Variants in RD3L observed in about 807,000 individuals in gnomAD.
The protein encoded by RD3L is RD3 like, also known as protein RD3-like.
In RD3L, 6 loss-of-function variants were observed where a neutral mutation model predicts 12.5. The observed-to-expected ratio is 0.48, with a 90% CI of 0.26 to 0.95. RD3L has a LOEUF of 0.95. Among genes scored for constraint, RD3L ranks in the 40% least tolerant of loss-of-function variants. The probability of loss-of-function intolerance (pLI) is 0.14; values close to 1 mark genes in which losing one functional copy is unlikely to be tolerated. For missense variants in RD3L, 234 were observed against 228.6 expected, an observed-to-expected ratio of 1.02 and a Z score of -0.15; for synonymous variants, 87 against 79.3, an observed-to-expected ratio of 1.10 and a Z score of -0.52.
rs766715331 is a variant in RD3L at position 103,941,056 on chromosome 14, A to G, written c.347T>C (p.Val116Ala). 3.0e-5 allele frequency: 46 copies of G among 1,535,194 alleles called. No individual in the cohort carries two copies. The highest frequency in any genetic ancestry group is 3.7e-5 in the Non-Finnish European group (42 of 1,146,622). Residue 116 changes from valine (V) to alanine (A), a missense_variant, in exon 3 of 3, where the codon GTC (valine) becomes GCC (alanine). Physicochemically the swap from Val to Ala is moderately conservative, Grantham distance 64. Transcript: ENST00000557640. The part of the protein sequence containing the change: ...AENDVLPWEI[V>A]YIFKQVLKDF... ...TTTCAGAACTTGCTTGAAGATGTAG[A>G]CTATTTCCCATGGCAGTACATCATT...
At position 103,940,651 on chromosome 14, in the gene RD3L, G is replaced by C; in HGVS notation, c.*155C>G. 1 of 571,340 alleles carries C rather than the reference G, an allele frequency of 1.8e-6. No individual in the cohort carries two copies. The highest frequency in any genetic ancestry group is 2.5e-5 in the South Asian group (1 of 40,216). The allele number at this position is 571,340 out of a possible 1,614,324, so 35.4% of individuals were successfully genotyped here. A position where few individuals can be genotyped will look rare whatever the true frequency, so the allele number is the denominator to read the frequency against. ...ATTCAATGAAAACATAGCATGTTTA[G>C]AGTGGTTAAAAAAAGAACACTATTT... On this transcript the variant is annotated 3_prime_UTR_variant, in exon 3 of 3. Coordinates refer to ENST00000557640, the MANE Select transcript of RD3L (RefSeq NM_001257268.2).
intron 1 of RD3L, 96 bp from the exon 2 acceptor site, chr14:103,941,798 C>T (rs1005993414): frequency 4.6e-6 from 4 of 878,878 alleles, no homozygotes; most frequent in East Asian, 5.4e-5. Flanking sequence ...GAAAAGTGCA[C>T]GATTTTTTTT....
In RD3L at chr14:103,941,114, A is replaced by G. The variant is rs942674356; in HGVS notation, c.300-11T>C. The G allele has an allele frequency of 2.0e-6, 3 of 1,524,370 alleles. No homozygotes were observed. The highest frequency in any genetic ancestry group is 2.0e-5 in the Admixed American group (1 of 50,190). The allele number at this position is 1,524,370 out of a possible 1,614,324, so 94.4% of individuals were successfully genotyped here. A position where few individuals can be genotyped will look rare whatever the true frequency, so the allele number is the denominator to read the frequency against. On this transcript the variant is annotated splice_polypyrimidine_tract_variant and intron_variant, in intron 2 of 2. Transcript: ENST00000557640. ...AAAACTTCTCGAAATCTAGAGGGGA[A>G]ATGGTAATGAATATTCAGTTTAGAA... is the stretch of plus-strand genomic sequence containing the variant.
chr14:103,940,892 T>C lies in RD3L; in HGVS notation c.511A>G (p.Ser171Gly). The C allele has an allele frequency of 6.5e-7, 1 of 1,535,326 alleles. No individual in the cohort carries two copies. Among genetic ancestry groups the C allele is most frequent in the Non-Finnish European group, 8.7e-7 (1 of 1,146,586 alleles). Residue 171 changes from serine to glycine, a missense_variant, in exon 3 of 3, where the codon AGT becomes GGT. Transcript: ENST00000557640. ...ADKDEIPTIS[S>G]YVDKNTKDRF... ...TCCTTTGTGTTTTTGTCTACGTAAC[T>C]GGAAATGGTGGGTATTTCATCTTTG...
intron 2 of RD3L, 123 bp from the exon 3 acceptor site, chr14:103,941,226 T>C (rs919122242): frequency 1.0e-6 from 1 of 983,910 alleles, no homozygotes; most frequent in Non-Finnish European, 1.5e-6. Flanking sequence ...TGCATGTTGT[T>C]TTAAAATTAT....
rs1201304012 is a variant in RD3L at position 103,940,916 on chromosome 14, T to C, written c.487A>G (p.Lys163Glu). 1 of 1,535,460 alleles carries C rather than the reference T, an allele frequency of 6.5e-7. No homozygotes were observed. The highest frequency in any genetic ancestry group is 8.7e-7 in the Non-Finnish European group (1 of 1,146,702). ...CTGGAAATGGTGGGTATTTCATCTT[T>C]GTCTGCCCTCTTGGAGCTGTCACCT... ...IQGDSSKRADKDEIPTISSYV... is the reference protein window; with the variant it reads ...IQGDSSKRADEDEIPTISSYV... Residue 163 changes from lysine (K) to glutamate (E), a missense_variant, in exon 3 of 3, where the codon AAA (lysine) becomes GAA (glutamate). Lys to Glu is a moderately conservative substitution (Grantham distance 56). Coordinates refer to ENST00000557640, the MANE Select transcript of RD3L (RefSeq NM_001257268.2).
chr14:103,941,315 T>C (rs1361170021), intron 2 of RD3L, 82 bp downstream of exon 2: 2 of 1,085,614 alleles, frequency 1.8e-6, no homozygotes, highest in Non-Finnish European at 2.6e-6. Context: ...ATTTACATGA[T>C]AGAATACAGT....
rs1034907914 is a variant in RD3L at position 103,941,010 on chromosome 14, G to T, written c.393C>A (p.Asp131Glu). ...CCAGGTCCTCTTGCTCACTCCCTCT[G>T]TCAGAGCTGCTTAGGAAGTCTTTCA... ...QVLKDFLSSSDRGSEQEDLED... is the reference protein window; with the variant it reads ...QVLKDFLSSSERGSEQEDLED... The change falls in exon 3 of 3, where the codon GAC becomes GAA. Residue 131 changes from aspartate (D) to glutamate (E), a missense_variant. By Grantham distance (45) the Asp-to-Glu change is conservative. Transcript: ENST00000557640. The T allele has an allele frequency of 7.2e-5, 110 of 1,535,234 alleles. No homozygotes were observed. Among genetic ancestry groups the T allele is most frequent in the Non-Finnish European group, 8.8e-5 (101 of 1,146,662 alleles).
Position 103,941,380 on chromosome 14 carries a change from G to C in RD3L, c.299+17C>G, listed in dbSNP as rs1566726136. ...CTTAGCAGTAGCAGGAATCATAAGA[G>C]AACATAGTATTTTTACCTGCTGAGA... On this transcript the variant is annotated intron_variant, in intron 2 of 2. Transcript: ENST00000557640. The C allele has an allele frequency of 6.6e-7, 1 of 1,514,264 alleles. No individual in the cohort carries two copies. The highest frequency in any genetic ancestry group is 8.8e-7 in the Non-Finnish European group (1 of 1,130,632). 93.8% of individuals were successfully genotyped at this position (1,514,264 alleles called of 1,614,324 possible).
At chr14:103,941,268 A>G (rs2152119834) in intron 2 of RD3L, 129 bp downstream of exon 2, 1 of 943,378 alleles carries the variant, frequency 1.1e-6, no homozygotes, top group South Asian at 1.8e-5. Flanking sequence ...AATGTAATTT[A>G]AAACAATTGC....
chr14:103,940,619 G>A lies in RD3L; in HGVS notation c.*187C>T, dbSNP rs567259205. ...TACTTAGGAAACATTTTAGTTAAAA[G>A]CATACTATTCAATGAAAACATAGCA... On this transcript the variant is annotated 3_prime_UTR_variant, in exon 3 of 3. Transcript: ENST00000557640. 2.9e-5 allele frequency: 14 copies of A among 480,858 alleles called. No homozygotes were observed. The highest frequency in any genetic ancestry group is 1.4e-4 in the African/African-American group (7 of 51,436). 29.8% of individuals were successfully genotyped at this position (480,858 alleles called of 1,614,324 possible). A position where few individuals can be genotyped will look rare whatever the true frequency, so the allele number is the denominator to read the frequency against.
intron 2 of RD3L, 117 bp downstream of exon 2, chr14:103,941,280 C>T: frequency 4.3e-6 from 4 of 940,092 alleles, no homozygotes; most frequent in Non-Finnish European, 4.6e-6. Flanking sequence ...AACAATTGCT[C>T]ACCAGACATC....
chr14:103,940,815 T>C lies in RD3L; in HGVS notation c.588A>G (p.Pro196=). 21 of 1,532,574 alleles carry C rather than the reference T, an allele frequency of 1.4e-5. No homozygotes were observed. Among genetic ancestry groups the C allele is most frequent in the Non-Finnish European group, 1.7e-5 (20 of 1,144,126 alleles). The allele number at this position is 1,532,574 out of a possible 1,614,324, so 94.9% of individuals were successfully genotyped here. The part of the protein sequence containing the change: ...HRIWNLPYYH[P]SS ...TCTAGTTGTAAGTAACTTAACTAGATGGGTGATAATATGGTAGGTTCCATA... is the reference window on the plus strand; with the variant it reads ...TCTAGTTGTAAGTAACTTAACTAGACGGGTGATAATATGGTAGGTTCCATA... The change falls in exon 3 of 3, where the codon CCA becomes CCG. Residue 196 remains proline (P), a synonymous_variant. Coordinates refer to ENST00000557640, the MANE Select transcript of RD3L (RefSeq NM_001257268.2).
In RD3L at chr14:103,941,609, A is replaced by T. The variant is rs1257226580; in HGVS notation, c.87T>A (p.Thr29=). ...HYPGSDIVTK[T]LLRELKWHLK... ...GGTGCCATTTTAATTCCCGAAGCAG[A>T]GTCTTTGTCACTATGTCTGAGCCAG... is the stretch of plus-strand genomic sequence containing the variant. The change falls in exon 2 of 3, where the codon ACT becomes ACA. Residue 29 remains threonine (T), a synonymous_variant. Coordinates refer to ENST00000557640, the MANE Select transcript of RD3L (RefSeq NM_001257268.2). 6.5e-7 allele frequency: 1 copy of T among 1,535,182 alleles called. No homozygotes were observed. Among genetic ancestry groups the T allele is most frequent in the Non-Finnish European group, 8.7e-7 (1 of 1,146,594 alleles).
In RD3L at chr14:103,940,796, T is replaced by C; in HGVS notation, c.*10A>G. 6.5e-7 allele frequency: 1 copy of C among 1,526,826 alleles called. No individual in the cohort carries two copies. Among genetic ancestry groups the C allele is most frequent in the Non-Finnish European group, 8.8e-7 (1 of 1,139,104 alleles). The allele number at this position is 1,526,826 out of a possible 1,614,324, so 94.6% of individuals were successfully genotyped here. A position where few individuals can be genotyped will look rare whatever the true frequency, so the allele number is the denominator to read the frequency against. Reference sequence around the variant, plus strand: ...AGGTGTTCATAAAAACCCCTCTAGTTGTAAGTAACTTAACTAGATGGGTGA... The same window carrying C: ...AGGTGTTCATAAAAACCCCTCTAGTCGTAAGTAACTTAACTAGATGGGTGA... On this transcript the variant is annotated 3_prime_UTR_variant, in exon 3 of 3. Coordinates refer to ENST00000557640, the MANE Select transcript of RD3L (RefSeq NM_001257268.2).
In RD3L at chr14:103,941,550, T is replaced by C. The variant is rs1167794541; in HGVS notation, c.146A>G (p.Glu49Gly). ...TGTTTTTTTCACTTTTTGTTCATTT[T>C]CGATTTCTTGTATTAATCTCTCTCG... ...KERERLIQEIENEQKVKKTGV... is the reference protein window; with the variant it reads ...KERERLIQEIGNEQKVKKTGV... Residue 49 changes from glutamate to glycine, a missense_variant, in exon 2 of 3, where the codon GAA becomes GGA. Physicochemically the swap from Glu to Gly is moderately conservative, Grantham distance 98. Transcript: ENST00000557640. 6.5e-7 allele frequency: 1 copy of C among 1,535,444 alleles called. No homozygotes were observed. Among genetic ancestry groups the C allele is most frequent in the Admixed American group, 2.0e-5 (1 of 50,980 alleles).
Position 103,941,067 on chromosome 14 carries a change from T to C in RD3L, c.336A>G (p.Pro112=), listed in dbSNP as rs1396525434. Residue 112 remains proline (P), a synonymous_variant, in exon 3 of 3, where the codon CCA becomes CCG. Transcript: ENST00000557640. ...REVLAENDVL[P]WEIVYIFKQV... is the part of the protein sequence containing the mutation. ...GCTTGAAGATGTAGACTATTTCCCA[T>C]GGCAGTACATCATTTTCTGCCAAAA... 3 of 1,535,066 alleles carry C rather than the reference T, an allele frequency of 2.0e-6. No individual in the cohort carries two copies. The highest frequency in any genetic ancestry group is 2.6e-6 in the Non-Finnish European group (3 of 1,146,414).
Position 103,941,680 on chromosome 14 carries a change from A to T in RD3L, c.16T>A (p.Trp6Arg). MPLFG[W>R]MKWPKNDSYK... Reference sequence around the variant, plus strand: ...GAATCGTTTTTGGGCCATTTCATCCAGCCAAAAAGTGGCATTTTTAGCCTA... The same window carrying T: ...GAATCGTTTTTGGGCCATTTCATCCTGCCAAAAAGTGGCATTTTTAGCCTA... Residue 6 changes from tryptophan to arginine, a missense_variant, in exon 2 of 3, where the codon TGG (tryptophan) becomes AGG (arginine). Transcript: ENST00000557640. The T allele has an allele frequency of 2.0e-6, 3 of 1,514,180 alleles. No individual in the cohort carries two copies. Among genetic ancestry groups the T allele is most frequent in the Non-Finnish European group, 2.6e-6 (3 of 1,136,946 alleles). The allele number at this position is 1,514,180 out of a possible 1,614,324, so 93.8% of individuals were successfully genotyped here.
chr14:103,941,406 A>C lies in RD3L; in HGVS notation c.290T>G (p.Ile97Ser). Residue 97 changes from isoleucine to serine, a missense_variant, in exon 2 of 3, where the codon ATT becomes AGT. By Grantham distance (142) the Ile-to-Ser change is moderately radical. Transcript: ENST00000557640. ...SQVQPCQTGT[I>S]LSRFREVLAE... ...AACATAGTATTTTTACCTGCTGAGAATAGTTCCAGTTTGGCAAGGTTGAAC... is the reference window on the plus strand; with the variant it reads ...AACATAGTATTTTTACCTGCTGAGACTAGTTCCAGTTTGGCAAGGTTGAAC... 1 of 1,534,344 alleles carries C rather than the reference A, an allele frequency of 6.5e-7. No individual in the cohort carries two copies. Among genetic ancestry groups the C allele is most frequent in the Non-Finnish European group, 8.7e-7 (1 of 1,146,032 alleles).
Sources: allele counts gnomAD v4.1 joint callset, GRCh38; gene constraint gnomAD v4.1.1; transcripts MANE v1.5; gene names NCBI Gene and HGNC (gene_info 2026-07-23, HGNC 2026-07-21).